Variants in PCDH11Y observed in about 807,000 individuals in gnomAD.
PCDH11Y encodes protocadherin 11 Y-linked, also known as protocadherin-11 Y-linked.
For missense variants in PCDH11Y, 12 were observed against 224.8 expected, an observed-to-expected ratio of 0.05 and a Z score of 6.05; for synonymous variants, 9 against 83.6, an observed-to-expected ratio of 0.11 and a Z score of 4.87.
chrY:5,562,767 CAAAAAAAAAAAA>C (rs1317509689), intron 3 of PCDH11Y, among the ~76,000 whole-genome samples: 1 of 1,697 alleles, frequency 5.9e-4, no homozygotes, highest in Admixed American at 6.4e-3. Flanking sequence ...GACTCCGTCT[CAAAAAAAAAAAA>C]AAAAAAAAAA....
At chrY:5,371,852 C>T (rs2053187613) in intron 2 of PCDH11Y, among the ~76,000 whole-genome samples, 26 of 32,666 alleles carry the variant, frequency 8.0e-4, no homozygotes, top group Admixed American at 2.0e-3. Flanking sequence ...GAGCCGAGAT[C>T]GCACCACTGC....
chrY:5,659,003 A>T, intron 4 of PCDH11Y, among the ~76,000 whole-genome samples: 1 of 33,515 alleles, frequency 3.0e-5, no homozygotes, highest in Non-Finnish European at 7.4e-5. Flanking sequence ...TACTGTGCCC[A>T]ATAATGCTGT....
intron 2 of PCDH11Y, among the ~76,000 whole-genome samples, chrY:5,414,259 T>C: frequency 3.7e-5 from 1 of 27,016 alleles, no homozygotes; most frequent in Non-Finnish European, 8.6e-5. Context: ...AACACTGTTT[T>C]AGTTGTGTCC....
chrY:5,343,455 G>A (rs1437775193), intron 2 of PCDH11Y, among the ~76,000 whole-genome samples: 2 of 31,001 alleles, frequency 6.5e-5, no homozygotes, highest in Admixed American at 3.0e-4. Context: ...GGGTTTCACC[G>A]TGTTATCCAG....
At chrY:5,572,486 G>C in intron 3 of PCDH11Y, among the ~76,000 whole-genome samples, 1 of 32,084 alleles carries the variant, frequency 3.1e-5, no homozygotes, top group Non-Finnish European at 7.6e-5. Context: ...GCGTATGAGC[G>C]TTCCCTTTTA....
chrY:5,446,095 C>A, intron 2 of PCDH11Y, among the ~76,000 whole-genome samples: 1 of 33,029 alleles, frequency 3.0e-5, no homozygotes, highest in South Asian at 6.8e-4. Context: ...TCCATCTTTC[C>A]TTCTCCTTGT....
chrY:5,244,925 G>T, intron 2 of PCDH11Y, among the ~76,000 whole-genome samples: 1 of 33,703 alleles, frequency 3.0e-5, no homozygotes, highest in East Asian at 8.2e-4. Flanking sequence ...TGGAGCCAGG[G>T]AGGCTGGATG....
chrY:5,709,009 C>T, intron 4 of PCDH11Y, among the ~76,000 whole-genome samples: 1 of 32,780 alleles, frequency 3.1e-5, no homozygotes. Context: ...ATTATAAGAT[C>T]TGCAGCTTCC....
At chrY:5,546,555 G>C in intron 3 of PCDH11Y, among the ~76,000 whole-genome samples, 1 of 31,666 alleles carries the variant, frequency 3.2e-5, no homozygotes, top group African/African-American at 1.2e-4. Context: ...TCACAGTGTG[G>C]ATCACTCACC....
intron 2 of PCDH11Y, among the ~76,000 whole-genome samples, chrY:5,294,450 T>C: frequency 3.2e-5 from 1 of 31,223 alleles, no homozygotes; most frequent in Admixed American, 3.0e-4. Flanking sequence ...AGAGACAGGG[T>C]TTTGTCACGT....
At chrY:5,155,373 C>G (rs2052868498) in intron 2 of PCDH11Y, among the ~76,000 whole-genome samples, 3 of 32,490 alleles carry the variant, frequency 9.2e-5, no homozygotes, top group Non-Finnish European at 1.5e-4. Flanking sequence ...TTGTTACATA[C>G]GTACATATGT....
chrY:5,222,783 C>G, intron 2 of PCDH11Y, among the ~76,000 whole-genome samples: 1 of 31,548 alleles, frequency 3.2e-5, no homozygotes, highest in African/African-American at 1.2e-4. Flanking sequence ...AGGCATGAGC[C>G]ACCGCACACA....
At chrY:5,658,273 G>C in intron 4 of PCDH11Y, among the ~76,000 whole-genome samples, 1 of 33,261 alleles carries the variant, frequency 3.0e-5, no homozygotes, top group Non-Finnish European at 7.4e-5. Flanking sequence ...TTGGGAGTTT[G>C]GTTATTGAAT....
intron 1 of PCDH11Y, among the ~76,000 whole-genome samples, chrY:5,079,870 A>G: frequency 3.0e-5 from 1 of 33,588 alleles, no homozygotes; most frequent in South Asian, 6.7e-4. Flanking sequence ...TCTCTTTTCA[A>G]TCACATTGTC....
At chrY:5,450,268 T>C in intron 2 of PCDH11Y, among the ~76,000 whole-genome samples, 1 of 33,414 alleles carries the variant, frequency 3.0e-5, no homozygotes, top group Non-Finnish European at 7.4e-5. Flanking sequence ...AGTTGTCATA[T>C]AAATATGTCA....
intron 4 of PCDH11Y, among the ~76,000 whole-genome samples, chrY:5,660,805 G>A: frequency 3.0e-5 from 1 of 33,288 alleles, no homozygotes; most frequent in Non-Finnish European, 7.4e-5. Context: ...GTGTTCCAGC[G>A]CAGGGGACAA....
chrY:5,038,669 G>C, intron 3 of PCDH11Y, among the ~76,000 whole-genome samples: 1 of 23,701 alleles, frequency 4.2e-5, no homozygotes, highest in Non-Finnish European at 9.7e-5. Context: ...GTGCATTTTT[G>C]TTCTCTCAGA....
intron 2 of PCDH11Y, among the ~76,000 whole-genome samples, chrY:5,244,323 C>T (rs2052992860): frequency 1.2e-4 from 4 of 33,702 alleles, no homozygotes; most frequent in African/African-American, 2.3e-4. Context: ...TTAAAAGGAT[C>T]TCAGTGGGGC....
chrY:5,173,942 T>C (rs2124645931), intron 2 of PCDH11Y, among the ~76,000 whole-genome samples: 5 of 29,019 alleles, frequency 1.7e-4, no homozygotes, highest in African/African-American at 6.6e-4. Context: ...ACCACCCACT[T>C]ATAAGTGAGA....
Sources: gnomAD v4.1 joint callset for allele counts (sites outside exome capture counted in the v4.1 genomes callset) on GRCh38, gnomAD v4.1.1 for gene constraint, MANE v1.5 for transcripts, NCBI Gene and HGNC (gene_info 2026-07-23, HGNC 2026-07-21) for gene names.